The following PCSK2 variants were observed in gnomAD, a reference collection of about 807,000 sequenced individuals.
PCSK2 encodes the protein neuroendocrine convertase 2.
PCSK2 carries 14 observed loss-of-function variants against 69.7 expected under a neutral mutation model. The observed-to-expected ratio is 0.20, with a 90% CI of 0.13 to 0.31. The LOEUF (loss-of-function observed/expected upper bound fraction) is 0.31, where lower values mean the gene tolerates loss of function less well. Ranked by LOEUF, PCSK2 falls within the 10% of genes least tolerant of loss-of-function variation. PCSK2 has a pLI of 1.00. For missense variants in PCSK2, 544 were observed against 842.5 expected (o/e 0.65, Z 4.39); for synonymous variants, 307 against 320.7 (o/e 0.96, Z 0.46).
chr20:17,462,269 A>G (rs2033026632), intron 10 of PCSK2, among the ~76,000 whole-genome samples: 1 of 152,098 alleles, frequency 6.6e-6, no homozygotes, highest in Non-Finnish European at 1.5e-5. Flanking sequence ...CTGAACCTGG[A>G]CATCATTTTT....
intron 8 of PCSK2, among the ~76,000 whole-genome samples, chr20:17,447,245 T>C (rs1039939326): frequency 2.0e-4 from 29 of 143,118 alleles, no homozygotes; most frequent in Non-Finnish European, 3.9e-4. Flanking sequence ...CACTCCAGCC[T>C]GGGTGACAGA....
chr20:17,433,582 G>A (rs1227205144), intron 7 of PCSK2, among the ~76,000 whole-genome samples: 1 of 152,218 alleles, frequency 6.6e-6, no homozygotes, highest in Non-Finnish European at 1.5e-5. Flanking sequence ...GCTAGCCACA[G>A]TGCATGCTGC....
At chr20:17,263,138 A>G (rs913760880) in intron 2 of PCSK2, 12 of 984,782 alleles carry the variant, frequency 1.2e-5, no homozygotes, top group Non-Finnish European at 1.4e-5. Flanking sequence ...AATAAAAAAG[A>G]AAAAGGTAGA....
At chr20:17,373,048 G>A (rs893118173) in intron 5 of PCSK2, among the ~76,000 whole-genome samples, 4 of 152,180 alleles carry the variant, frequency 2.6e-5, no homozygotes, top group Non-Finnish European at 5.9e-5. Context: ...ATGGCTTGGA[G>A]GGATGAGCCA....
At chr20:17,330,364 C>T (rs751248785) in intron 2 of PCSK2, among the ~76,000 whole-genome samples, 6 of 151,942 alleles carry the variant, frequency 3.9e-5, no homozygotes, top group Admixed American at 6.6e-5. Context: ...GAGGCCGAGG[C>T]GGGAGTATTA....
In PCSK2 at chr20:17,469,299, G is replaced by T. The variant is rs151245467; in HGVS notation, c.1430+3746G>T. ...CTGCATGCTATGTGCTTTCATACAC[G>T]TAAGCTTCACAGCCACCCTATTGTT... On this transcript the variant is annotated intron_variant, in intron 11 of 11. Coordinates refer to ENST00000262545, the MANE Select transcript of PCSK2 (RefSeq NM_002594.5). 1.5e-3 allele frequency among the ~76,000 whole-genome samples: 230 copies of T among 152,274 alleles called. 2 individuals carry two copies. The highest frequency in any genetic ancestry group is 3.4e-3 in the Middle Eastern group (1 of 294).
rs6044813 is a variant in PCSK2 at position 17,438,425 on chromosome 20, A to G, written c.885+1542A>G. On this transcript the variant is annotated intron_variant, in intron 8 of 11. Coordinates refer to ENST00000262545, the MANE Select transcript of PCSK2 (RefSeq NM_002594.5). ...GGGCAATTGAAGGCTGCTTTTCCATACATTTCTTGAGGTCAGAAAACATGT... is the reference window on the plus strand; with the variant it reads ...GGGCAATTGAAGGCTGCTTTTCCATGCATTTCTTGAGGTCAGAAAACATGT... Among the ~76,000 whole-genome samples, 1,360 of 152,302 alleles carry G rather than the reference A, an allele frequency of 8.9e-3. 7 individuals are homozygous for G. The highest frequency in any genetic ancestry group is 0.015 in the South Asian group (73 of 4,814).
At chr20:17,268,033 G>GTGTA in intron 2 of PCSK2, among the ~76,000 whole-genome samples, 1 of 66,320 alleles carries the variant, frequency 1.5e-5, no homozygotes, top group East Asian at 4.4e-4. Flanking sequence ...TATCCAATGT[G>GTGTA]TATATATATA....
intron 10 of PCSK2, among the ~76,000 whole-genome samples, chr20:17,459,415 C>T (rs1267145256): frequency 2.6e-5 from 4 of 152,134 alleles, no homozygotes. Flanking sequence ...CATACAGATA[C>T]ATTTCTGTTG....
At chr20:17,315,433 G>A (rs1989652799) in intron 2 of PCSK2, among the ~76,000 whole-genome samples, 1 of 152,230 alleles carries the variant, frequency 6.6e-6, no homozygotes, top group African/African-American at 2.4e-5. Context: ...AAGGGAACCC[G>A]TGGGTGGCCG....
intron 2 of PCSK2, among the ~76,000 whole-genome samples, chr20:17,285,462 G>A (rs1376376866): frequency 6.6e-6 from 1 of 152,222 alleles, no homozygotes; most frequent in Non-Finnish European, 1.5e-5. Flanking sequence ...TAGGTTTGGT[G>A]ATGTAGAACT....
At chr20:17,374,376 G>A (rs898347224) in intron 5 of PCSK2, among the ~76,000 whole-genome samples, 1 of 152,202 alleles carries the variant, frequency 6.6e-6, no homozygotes, top group Non-Finnish European at 1.5e-5. Context: ...TGGAACAAAG[G>A]GAGACTTCTT....
chr20:17,338,179 G>GT (rs200529895), intron 2 of PCSK2, among the ~76,000 whole-genome samples: 3 of 144,230 alleles, frequency 2.1e-5, no homozygotes, highest in African/African-American at 5.1e-5. Context: ...TTTGGGGGGG[G>GT]GGGTTGTGTT....
In PCSK2 at chr20:17,483,174, G is replaced by A. The variant is rs1163894238; in HGVS notation, c.*1104G>A. On this transcript the variant is annotated 3_prime_UTR_variant, in exon 12 of 12. Transcript: ENST00000262545. The stretch of plus-strand genomic sequence containing the variant: ...CTCTGTCCCGGAAGAGTCATGGGAG[G>A]TGAAAGGGGCACGTTTGAAGATGCG... 6.6e-6 allele frequency: 1 copy of A among 152,078 alleles called. No individual in the cohort carries two copies. The highest frequency in any genetic ancestry group is 1.5e-5 in the Non-Finnish European group (1 of 68,010). 9.4% of individuals were successfully genotyped at this position (152,078 alleles called of 1,614,324 possible).
intron 5 of PCSK2, among the ~76,000 whole-genome samples, chr20:17,405,009 C>A (rs1435842263): frequency 2.0e-5 from 3 of 152,164 alleles, no homozygotes; most frequent in African/African-American, 7.2e-5. Flanking sequence ...GTGACCTTTG[C>A]TGTCGGTGAT....
At chr20:17,347,873 AAAGAAAGAAAGAAAGAAAGAAAG>A (rs1459233638) in intron 2 of PCSK2, among the ~76,000 whole-genome samples, 2 of 2,826 alleles carry the variant, frequency 7.1e-4, no homozygotes, top group African/African-American at 1.3e-3. Context: ...GAGAGAGAAA[AAAGAAAGAAAGAAAGAAAGAAAG>A]AAAGAAAGAA....
chr20:17,308,622 A>C (rs180959155), intron 2 of PCSK2, among the ~76,000 whole-genome samples: 43 of 152,338 alleles, frequency 2.8e-4, no homozygotes, highest in Admixed American at 1.5e-3. Flanking sequence ...TAATGGCTTA[A>C]AACAACAATG....
At chr20:17,467,188 C>G (rs754887758) in intron 11 of PCSK2, among the ~76,000 whole-genome samples, 5 of 152,194 alleles carry the variant, frequency 3.3e-5, no homozygotes, top group African/African-American at 4.8e-5. Context: ...ACTTCACCAA[C>G]TTAGACAATA....
intron 1 of PCSK2, among the ~76,000 whole-genome samples, chr20:17,258,880 A>G (rs1410579053): frequency 6.6e-6 from 1 of 151,992 alleles, no homozygotes; most frequent in African/African-American, 2.4e-5. Flanking sequence ...GTAGGCCTAG[A>G]GGAAAAAAAA....
Sources: allele counts gnomAD v4.1 joint callset (sites outside exome capture counted in the v4.1 genomes callset), GRCh38; gene constraint gnomAD v4.1.1; transcripts MANE v1.5; gene names NCBI Gene and HGNC (gene_info 2026-07-23, HGNC 2026-07-21).